NRG1: variants seen among roughly 807,000 people sequenced by gnomAD.
NRG1 encodes neuregulin 1.
NRG1 carries 18 observed loss-of-function variants against 63.8 expected under a neutral mutation model. The ratio of observed to expected loss-of-function variants is 0.28; its 90% CI spans 0.19 to 0.42. NRG1 has a LOEUF of 0.42. Ranked by LOEUF, NRG1 falls within the 10% of genes least tolerant of loss-of-function variation. The probability of loss-of-function intolerance (pLI) is 1.00; values close to 1 mark genes in which losing one functional copy is unlikely to be tolerated. For synonymous variants in NRG1, 302 were observed against 301.3 expected (o/e 1.00, Z -0.02); for missense variants, 762 against 814.7 (o/e 0.94, Z 0.79).
chr8:31,877,004 G>A (rs1457704828), intron 1 of NRG1, among the ~76,000 whole-genome samples: 1 of 152,034 alleles, frequency 6.6e-6, no homozygotes, highest in East Asian at 1.9e-4. Context: ...CAAGAGCAAA[G>A]GAAAGAATAG....
chr8:31,939,972 G>A (rs1054090393), intron 1 of NRG1, among the ~76,000 whole-genome samples: 28 of 152,002 alleles, frequency 1.8e-4, no homozygotes, highest in Admixed American at 1.6e-3. Context: ...TAGTAGTGGG[G>A]GACTTCAGTA....
intron 1 of NRG1, among the ~76,000 whole-genome samples, chr8:31,963,326 C>T (rs1400232259): frequency 6.6e-6 from 1 of 152,112 alleles, no homozygotes; most frequent in Non-Finnish European, 1.5e-5. Context: ...ATAGAATGTG[C>T]TTTTATATTA....
chr8:32,319,983 G>T (rs779038831), intron 1 of NRG1, among the ~76,000 whole-genome samples: 6 of 152,108 alleles, frequency 3.9e-5, no homozygotes, highest in Non-Finnish European at 8.8e-5. Flanking sequence ...CCAGGAGGAA[G>T]AATAGGATAT....
chr8:32,769,831 C>A (rs16879956), downstream of NRG1, among the ~76,000 whole-genome samples: 7,312 of 152,178 alleles, frequency 0.048, 590 homozygotes, highest in African/African-American at 0.17. Flanking sequence ...TCCTGTTGAC[C>A]TCCTGGTACT....
chr8:32,108,628 C>A (rs111741774), intron 1 of NRG1, among the ~76,000 whole-genome samples: 1 of 152,012 alleles, frequency 6.6e-6, no homozygotes, highest in Non-Finnish European at 1.5e-5. Flanking sequence ...CCTGGATGAT[C>A]TCGGTGGGCC....
At chr8:32,333,973 C>T (rs1802950592) in intron 1 of NRG1, among the ~76,000 whole-genome samples, 1 of 152,186 alleles carries the variant, frequency 6.6e-6, no homozygotes, top group Non-Finnish European at 1.5e-5. Flanking sequence ...TCACCTTTTC[C>T]TAGGTTGAAG....
intron 1 of NRG1, among the ~76,000 whole-genome samples, chr8:32,013,588 G>A (rs1815069943): frequency 6.6e-6 from 1 of 151,914 alleles, no homozygotes; most frequent in East Asian, 1.9e-4. Context: ...ATAAGAGACT[G>A]GCCACCAGAT....
intron 1 of NRG1, among the ~76,000 whole-genome samples, chr8:32,152,119 A>G (rs183286498): frequency 2.0e-5 from 3 of 152,348 alleles, no homozygotes; most frequent in East Asian, 1.9e-4. Context: ...GTGTGCATGT[A>G]TTGTTCAGCT....
At chr8:31,661,799 C>G (rs1213141593) in intron 1 of NRG1, among the ~76,000 whole-genome samples, 1 of 152,212 alleles carries the variant, frequency 6.6e-6, no homozygotes, top group Non-Finnish European at 1.5e-5. Flanking sequence ...GACTTAGGAT[C>G]TCCATATTCA....
intron 1 of NRG1, among the ~76,000 whole-genome samples, chr8:32,121,903 A>C (rs192795969): frequency 1.7e-4 from 26 of 152,160 alleles, no homozygotes; most frequent in Admixed American, 1.4e-3. Context: ...AAAAATCTTC[A>C]TTTACATTCA....
At chr8:32,126,512 T>G (rs920067082) in intron 1 of NRG1, among the ~76,000 whole-genome samples, 1 of 151,858 alleles carries the variant, frequency 6.6e-6, no homozygotes, top group Non-Finnish European at 1.5e-5. Context: ...TTTAGAGCTC[T>G]CTTCTCATCC....
chr8:32,051,834 A>G (rs1822027756), intron 1 of NRG1, among the ~76,000 whole-genome samples: 1 of 152,180 alleles, frequency 6.6e-6, no homozygotes, highest in African/African-American at 2.4e-5. Context: ...GACCTACTAC[A>G]TAGTTTTGAC....
intron 1 of NRG1, among the ~76,000 whole-genome samples, chr8:32,493,029 C>T (rs999231355): frequency 6.6e-6 from 1 of 152,068 alleles, no homozygotes; most frequent in Non-Finnish European, 1.5e-5. Context: ...GCTTAAAGGC[C>T]TCTGTTTGTT....
intron 1 of NRG1, among the ~76,000 whole-genome samples, chr8:32,299,282 CAA>C (rs1374989291): frequency 6.6e-6 from 1 of 152,004 alleles, no homozygotes; most frequent in Non-Finnish European, 1.5e-5. Context: ...AAACAGAAAG[CAA>C]AAACATGTTT....
intron 1 of NRG1, among the ~76,000 whole-genome samples, chr8:32,149,796 T>A (rs533922256): frequency 6.6e-6 from 1 of 152,228 alleles, no homozygotes; most frequent in African/African-American, 2.4e-5. Context: ...TAGAAAAAAA[T>A]TACCTTCCCT....
At chr8:31,917,637 C>T (rs1336490054) in intron 1 of NRG1, among the ~76,000 whole-genome samples, 16 of 152,128 alleles carry the variant, frequency 1.1e-4, no homozygotes, top group East Asian at 1.9e-4. Context: ...AGTCAGGTAA[C>T]GTGATGCCTC....
chr8:32,548,129 C>G (rs1034666921), upstream of NRG1: 3 of 801,780 alleles, frequency 3.7e-6, no homozygotes, highest in Non-Finnish European at 4.5e-6. Flanking sequence ...GGGGCTGCGC[C>G]CGGGAGCGCC....
intron 1 of NRG1, among the ~76,000 whole-genome samples, chr8:32,317,422 C>T (rs1332830891): frequency 6.6e-6 from 1 of 152,100 alleles, no homozygotes; most frequent in African/African-American, 2.4e-5. Context: ...AGAACATAGG[C>T]ATCATTGAAA....
At chr8:32,044,859 A>G (rs1820683506) in intron 1 of NRG1, among the ~76,000 whole-genome samples, 1 of 149,880 alleles carries the variant, frequency 6.7e-6, no homozygotes, top group South Asian at 2.1e-4. Context: ...TGAGAAAATA[A>G]GTTCTCAAAT....
Sources: allele counts gnomAD v4.1 joint callset (sites outside exome capture counted in the v4.1 genomes callset), GRCh38; gene constraint gnomAD v4.1.1; transcripts MANE v1.5; gene names NCBI Gene and HGNC (gene_info 2026-07-23, HGNC 2026-07-21).